SLC27A6: variants seen among roughly 807,000 people sequenced by gnomAD.
SLC27A6 encodes the protein solute carrier family 27 member 6.
A neutral mutation model predicts 63.9 loss-of-function variants in SLC27A6; 74 were observed. The ratio of observed to expected loss-of-function variants is 1.16; its 90% CI spans 0.96 to 1.40. The LOEUF is 1.40. SLC27A6 is among the 40% of genes most tolerant of loss of function. The pLI is 0.00. For synonymous variants in SLC27A6, 287 were observed against 260.8 expected (o/e 1.10, Z -0.97); for missense variants, 794 against 732.9 (o/e 1.08, Z -0.96).
At chr5:129,030,032 G>A (rs1319436274) in intron 9 of SLC27A6, among the ~76,000 whole-genome samples, 1 of 152,008 alleles carries the variant, frequency 6.6e-6, no homozygotes, top group Non-Finnish European at 1.5e-5. Flanking sequence ...TTGGTGCTAT[G>A]TGCCTAGAAT....
At chr5:129,016,957 G>C (rs1751917963) in intron 5 of SLC27A6, among the ~76,000 whole-genome samples, 1 of 152,112 alleles carries the variant, frequency 6.6e-6, no homozygotes, top group African/African-American at 2.4e-5. Flanking sequence ...AAAAATAACT[G>C]TCAAACTGGA....
At position 128,965,883 on chromosome 5, in the gene SLC27A6, G is replaced by A. The variant is rs112663108; in HGVS notation, c.-255G>A. The A allele has an allele frequency of 3.0e-3, 1,111 of 372,582 alleles. 12 individuals are homozygous for A. Among genetic ancestry groups the A allele is most frequent in the African/African-American group, 0.02 (986 of 48,610 alleles). 23.1% of individuals were successfully genotyped at this position (372,582 alleles called of 1,614,324 possible). ...TGTTGGTTTCTCGCAGGAGTCGGAG[G>A]CTCCCTGCTTTCCAGCCGCCCAGTG... On this transcript the variant is annotated 5_prime_UTR_variant, in exon 1 of 10. Coordinates refer to ENST00000262462, the MANE Select transcript of SLC27A6 (RefSeq NM_001017372.3).
chr5:128,980,994 A>G (rs1437221255), intron 1 of SLC27A6, among the ~76,000 whole-genome samples: 2 of 152,240 alleles, frequency 1.3e-5, no homozygotes, highest in Non-Finnish European at 2.9e-5. Flanking sequence ...TGAAGAAACA[A>G]GAAATCAATT....
At chr5:129,017,275 A>T (rs1751931842) in intron 5 of SLC27A6, among the ~76,000 whole-genome samples, 1 of 152,132 alleles carries the variant, frequency 6.6e-6, no homozygotes, top group Non-Finnish European at 1.5e-5. Context: ...GGTAGAAATA[A>T]TTTTTTTAAA....
intron 9 of SLC27A6, 53 bp from the exon 10 acceptor site, chr5:129,033,053 G>A (rs976896508): frequency 1.2e-5 from 13 of 1,100,884 alleles, no homozygotes; most frequent in African/African-American, 1.6e-5. Context: ...AACTATATAT[G>A]TATATATTAT....
At chr5:129,029,504 T>C (rs1752348978) in intron 8 of SLC27A6, 73 bp from the exon 9 acceptor site, 2 of 1,008,270 alleles carry the variant, frequency 2.0e-6, no homozygotes, top group Non-Finnish European at 2.9e-6. Flanking sequence ...TGTGTGCCAA[T>C]TAGCATGTAC....
chr5:128,998,413 T>C (rs1418151662), intron 4 of SLC27A6, among the ~76,000 whole-genome samples: 1 of 152,032 alleles, frequency 6.6e-6, no homozygotes, highest in African/African-American at 2.4e-5. Flanking sequence ...AGAGTAATTT[T>C]GTAGGTATTG....
intron 1 of SLC27A6, among the ~76,000 whole-genome samples, chr5:128,968,705 C>G (rs955455889): frequency 6.6e-6 from 1 of 152,150 alleles, no homozygotes; most frequent in East Asian, 1.9e-4. Flanking sequence ...TTCTCCCATT[C>G]TATAGGTTGC....
chr5:129,030,960 C>G (rs1003352971), intron 9 of SLC27A6, among the ~76,000 whole-genome samples: 1 of 151,972 alleles, frequency 6.6e-6, no homozygotes, highest in Admixed American at 6.6e-5. Context: ...CGAGCTCCCT[C>G]TTGTCCCTCC....
intron 1 of SLC27A6, among the ~76,000 whole-genome samples, chr5:128,974,471 G>A (rs1309750231): frequency 4.6e-5 from 7 of 152,174 alleles, no homozygotes; most frequent in Non-Finnish European, 1.0e-4. Flanking sequence ...AACAGATTTT[G>A]TAATAAGATG....
At chr5:128,973,634 C>T (rs1211447890) in intron 1 of SLC27A6, among the ~76,000 whole-genome samples, 1 of 152,176 alleles carries the variant, frequency 6.6e-6, no homozygotes, top group Non-Finnish European at 1.5e-5. Context: ...TGGAAAAGTG[C>T]AGTATTAGAG....
Position 129,033,035 on chromosome 5 carries a change from A to G in SLC27A6, c.1684-71A>G, listed in dbSNP as rs1020912746. The G allele has an allele frequency of 1.3e-5, 12 of 898,514 alleles. No individual in the cohort carries two copies. The African/African-American group carries it at 2.0e-4, about 15-fold the overall frequency. 55.7% of individuals were successfully genotyped at this position (898,514 alleles called of 1,614,324 possible). On this transcript the variant is annotated intron_variant, in intron 9 of 9. Coordinates refer to ENST00000262462, the MANE Select transcript of SLC27A6 (RefSeq NM_001017372.3). ...GTGTCATAATTTAATATTACAGTCT[A>G]TAGTATTAACTATATATGTATATAT...
intron 6 of SLC27A6, among the ~76,000 whole-genome samples, chr5:129,026,798 T>A (rs909957572): frequency 6.6e-6 from 1 of 152,140 alleles, no homozygotes; most frequent in Non-Finnish European, 1.5e-5. Flanking sequence ...ATAACAAATG[T>A]CAATATTATC....
chr5:128,992,538 A>G (rs1751019446), intron 4 of SLC27A6, among the ~76,000 whole-genome samples: 1 of 152,208 alleles, frequency 6.6e-6, no homozygotes, highest in South Asian at 2.1e-4. Context: ...GCTTCAAATA[A>G]CTATAGATTC....
intron 4 of SLC27A6, among the ~76,000 whole-genome samples, chr5:128,995,272 A>G (rs1751118554): frequency 6.6e-6 from 1 of 152,212 alleles, no homozygotes; most frequent in Non-Finnish European, 1.5e-5. Context: ...ACAGTTAGCC[A>G]TATCTAGGGA....
At chr5:128,998,031 G>A (rs1751214809) in intron 4 of SLC27A6, among the ~76,000 whole-genome samples, 1 of 149,010 alleles carries the variant, frequency 6.7e-6, no homozygotes, top group Non-Finnish European at 1.5e-5. Flanking sequence ...TGTAATCCCA[G>A]CACTTTGGGA....
intron 5 of SLC27A6, among the ~76,000 whole-genome samples, chr5:129,018,690 A>G (rs1302749579): frequency 1.3e-5 from 2 of 152,076 alleles, no homozygotes; most frequent in African/African-American, 4.8e-5. Context: ...AGCAACCAAC[A>G]AGGGTATGAT....
At chr5:128,968,283 G>C (rs1749989652) in intron 1 of SLC27A6, among the ~76,000 whole-genome samples, 2 of 152,134 alleles carry the variant, frequency 1.3e-5, no homozygotes, top group South Asian at 4.1e-4. Context: ...ACCCGGTAAT[G>C]GGATGGCTGG....
At chr5:128,967,304 C>T (rs1749943507) in intron 1 of SLC27A6, among the ~76,000 whole-genome samples, 1 of 152,056 alleles carries the variant, frequency 6.6e-6, no homozygotes, top group Admixed American at 6.6e-5. Context: ...AAAGAAAAGC[C>T]TGGGGTTTAG....
Sources: allele counts gnomAD v4.1 joint callset (sites outside exome capture counted in the v4.1 genomes callset), GRCh38; gene constraint gnomAD v4.1.1; transcripts MANE v1.5; gene names NCBI Gene and HGNC (gene_info 2026-07-23, HGNC 2026-07-21).